The following CACNA1A variants were observed in gnomAD, a reference collection of about 807,000 sequenced individuals.
CACNA1A encodes voltage-dependent P/Q-type calcium channel subunit alpha-1A.
In CACNA1A, 57 loss-of-function variants were observed where a neutral mutation model predicts 262.4. The ratio of observed to expected loss-of-function variants is 0.22; its 90% CI spans 0.18 to 0.27. The LOEUF (loss-of-function observed/expected upper bound fraction) is 0.27, where lower values mean the gene tolerates loss of function less well. Ranked by LOEUF, CACNA1A falls within the 10% of genes least tolerant of loss-of-function variation. CACNA1A has a pLI of 1.00. For synonymous variants in CACNA1A, 1,431 were observed against 1,419.3 expected, an observed-to-expected ratio of 1.01 and a Z score of -0.18; for missense variants, 2,526 against 3,562.8, an observed-to-expected ratio of 0.71 and a Z score of 7.41.
rs376979720 is a variant in CACNA1A, at chr19:13,384,408, C to T, written c.540-12629G>A. ...CATACCTGACAGTCAAGTTCAAAAG[C>T]ATTTTGAGGCTGGGTGCGGTGGCTC... On this transcript the variant is annotated intron_variant, in intron 3 of 46. Transcript: ENST00000360228. Among the ~76,000 whole-genome samples, 9 of 152,202 alleles carry T rather than the reference C, an allele frequency of 5.9e-5. No individual in the cohort carries two copies. In the East Asian group the frequency reaches 1.4e-3, roughly 23 times the overall value.
chr19:13,255,533 A>G (rs1600181321), intron 28 of CACNA1A, among the ~76,000 whole-genome samples: 2 of 152,250 alleles, frequency 1.3e-5, no homozygotes, highest in Admixed American at 1.3e-4. Context: ...GGAAGTGGGT[A>G]CTATCAATGG....
chr19:13,486,683 CTT>C (rs1416987423), intron 1 of CACNA1A, among the ~76,000 whole-genome samples: 2 of 82,672 alleles, frequency 2.4e-5, no homozygotes, highest in African/African-American at 1.3e-4. Context: ...TATTCTCTCT[CTT>C]CTTTCTGTCT....
chr19:13,271,614 G>A (rs2057021731), intron 24 of CACNA1A: 1 of 152,154 alleles, frequency 6.6e-6, no homozygotes, highest in Non-Finnish European at 1.5e-5. Context: ...TACCTCCAGA[G>A]AACCTAGAAA....
In CACNA1A at chr19:13,481,946, C is replaced by A. The variant is rs544101950; in HGVS notation, c.293+23986G>T. Among the ~76,000 whole-genome samples the A allele has an allele frequency of 2.0e-5, 3 of 152,106 alleles. No homozygotes were observed. In the East Asian group the frequency reaches 5.8e-4, roughly 30 times the overall value. On this transcript the variant is annotated intron_variant, in intron 1 of 46. Coordinates refer to ENST00000360228, the MANE Select transcript of CACNA1A (RefSeq NM_001127222.2). ...AGGGGCACAGACTGCCTGCAGAGAC[C>A]CCCACTATCTCAGTTCTACCTCATC...
At chr19:13,251,427 G>A (rs369385354) in intron 30 of CACNA1A, among the ~76,000 whole-genome samples, 12 of 152,152 alleles carry the variant, frequency 7.9e-5, no homozygotes, top group East Asian at 3.9e-4. Flanking sequence ...AGCTTTCAGT[G>A]AGCCGAGATT....
At chr19:13,329,781 GTC>G (rs1275044895) in intron 10 of CACNA1A, among the ~76,000 whole-genome samples, 3 of 122,068 alleles carry the variant, frequency 2.5e-5, no homozygotes, top group African/African-American at 7.6e-5. Context: ...CTCAGTTTGT[GTC>G]TTTTTTTTTT....
chr19:13,251,131 C>CAAAA (rs60032613), intron 30 of CACNA1A, among the ~76,000 whole-genome samples: 2 of 131,508 alleles, frequency 1.5e-5, no homozygotes, highest in African/African-American at 2.9e-5. Context: ...GACTGTGTCT[C>CAAAA]AAAAAAAAAA....
At chr19:13,285,248 C>T (rs1242079116) in intron 20 of CACNA1A, 42 bp from the exon 21 acceptor site, 3 of 1,610,836 alleles carry the variant, frequency 1.9e-6, no homozygotes, top group South Asian at 1.1e-5. Flanking sequence ...TCCACAATTT[C>T]CCACAAGTCT....
Position 13,207,542 on chromosome 19 carries a change from G to C in CACNA1A, c.7292C>G (p.Ala2431Gly). The change falls in exon 47 of 47, where the codon GCC becomes GGC. Residue 2431 changes from alanine to glycine, a missense_variant. Physicochemically the swap from Ala to Gly is moderately conservative, Grantham distance 60 (BLOSUM62 0). Coordinates refer to ENST00000360228, the MANE Select transcript of CACNA1A (RefSeq NM_001127222.2). The surrounding 1 kb of genome is among the most constrained non-coding windows in gnomAD (Gnocchi z 5.7). ...PGSGGGEEAM[A>G]GAYDAPPPVR... ...GGGGGGTGGCGCGTCGTAGGCCCCG[G>C]CCATGGCCTCCTCGCCGCCCCCGCT... is the stretch of plus-strand genomic sequence containing the variant. 1.4e-6 allele frequency: 2 copies of C among 1,454,312 alleles called. No homozygotes were observed. Among genetic ancestry groups the C allele is most frequent in the South Asian group, 2.6e-5 (2 of 77,186 alleles). 90.1% of individuals were successfully genotyped at this position (1,454,312 alleles called of 1,614,324 possible).
chr19:13,275,055 T>G (rs2057113328), intron 24 of CACNA1A: 1 of 150,332 alleles, frequency 6.7e-6, no homozygotes, highest in South Asian at 2.1e-4. Context: ...TTGCAATGGC[T>G]GCCTAGAACT....
At chr19:13,484,667 A>G (rs1462142958) in intron 1 of CACNA1A, among the ~76,000 whole-genome samples, 2 of 152,250 alleles carry the variant, frequency 1.3e-5, no homozygotes, top group South Asian at 4.1e-4. Flanking sequence ...ATTCACAGAC[A>G]TAAAATCATT....
intron 1 of CACNA1A, among the ~76,000 whole-genome samples, chr19:13,465,732 G>C (rs550214639): frequency 3.9e-5 from 6 of 152,082 alleles, no homozygotes. Flanking sequence ...CAAGCGATCC[G>C]CCCACCTCAG....
intron 3 of CACNA1A, among the ~76,000 whole-genome samples, chr19:13,433,292 C>CAAAA (rs71170514): frequency 1.0e-5 from 1 of 98,210 alleles, no homozygotes; most frequent in Non-Finnish European, 2.0e-5. Context: ...GACTCTGTCT[C>CAAAA]AAAAAAAAAA....
chr19:13,206,547 A>C lies in CACNA1A; in HGVS notation c.*766T>G, dbSNP rs998819788. 8.5e-5 allele frequency: 13 copies of C among 153,658 alleles called. No individual in the cohort carries two copies. Among genetic ancestry groups the C allele is most frequent in the Admixed American group, 1.3e-4 (2 of 15,260 alleles). 9.5% of individuals were successfully genotyped at this position (153,658 alleles called of 1,614,324 possible). On this transcript the variant is annotated 3_prime_UTR_variant, in exon 47 of 47. Transcript: ENST00000360228. ...ACAAGGTAGGAAAAAAGGAAAAAAG[A>C]AGCAAAGGAATCGGTGGTGATGGTG...
At chr19:13,358,007 C>CA (rs1485406127) in intron 6 of CACNA1A, among the ~76,000 whole-genome samples, 3 of 151,320 alleles carry the variant, frequency 2.0e-5, no homozygotes, top group Admixed American at 2.0e-4. Context: ...ACCTTGTCTC[C>CA]AAAAAAACAA....
intron 28 of CACNA1A, chr19:13,256,263 G>A (rs904532551): frequency 6.6e-6 from 1 of 151,986 alleles, no homozygotes; most frequent in Non-Finnish European, 1.5e-5. Flanking sequence ...CTCCTAAAGT[G>A]TTAAGATTAC....
At chr19:13,414,357 G>A (rs1305652342) in intron 3 of CACNA1A, among the ~76,000 whole-genome samples, 2 of 152,080 alleles carry the variant, frequency 1.3e-5, no homozygotes, top group Admixed American at 6.5e-5. Context: ...CTGTGATTGC[G>A]CCACTGCACT....
intron 3 of CACNA1A, among the ~76,000 whole-genome samples, chr19:13,407,659 G>C (rs954765757): frequency 6.6e-6 from 1 of 152,154 alleles, no homozygotes; most frequent in Non-Finnish European, 1.5e-5. Context: ...TCCATCAATG[G>C]AGTCTTCCAA....
intron 3 of CACNA1A, among the ~76,000 whole-genome samples, chr19:13,425,819 G>A (rs565279138): frequency 6.6e-6 from 1 of 152,230 alleles, no homozygotes; most frequent in Admixed American, 6.5e-5. Context: ...ACTTTGGGGG[G>A]CCGAGGCGGG....
Sources: gnomAD v4.1 joint callset for allele counts (sites outside exome capture counted in the v4.1 genomes callset) on GRCh38, gnomAD v4.1.1 for gene constraint, Gnocchi (gnomAD v3.1) non-coding constraint, MANE v1.5 for transcripts, NCBI Gene and HGNC (gene_info 2026-07-23, HGNC 2026-07-21) for gene names.